Variants in THSD7B observed in about 807,000 individuals in gnomAD.
THSD7B encodes thrombospondin type-1 domain-containing protein 7B.
Under a neutral mutation model 213.6 loss-of-function variants are expected in THSD7B, and 138 were observed. That is an observed-to-expected ratio of 0.65 (90% confidence interval 0.56 to 0.74). THSD7B has a LOEUF of 0.74. Among genes scored for constraint, THSD7B ranks in the 30% least tolerant of loss-of-function variants. The pLI is 0.00. For synonymous variants in THSD7B, 742 were observed against 687.0 expected (o/e 1.08, Z -1.25); for missense variants, 1,931 against 1,991.5 (o/e 0.97, Z 0.58).
chr2:137,582,684 T>G (rs927904225), intron 17 of THSD7B, among the ~76,000 whole-genome samples: 3 of 152,100 alleles, frequency 2.0e-5, no homozygotes, highest in Non-Finnish European at 4.4e-5. Context: ...CTTTTTTATG[T>G]CTGCATAGCA....
chr2:137,466,527 T>A (rs1040551614), intron 15 of THSD7B, among the ~76,000 whole-genome samples: 2 of 152,126 alleles, frequency 1.3e-5, no homozygotes, highest in Non-Finnish European at 2.9e-5. Flanking sequence ...TCAGCTATCA[T>A]TAGTGTTACT....
At chr2:137,255,686 A>AGCGTTTTGCCTGGGT (rs1262288274) in intron 10 of THSD7B, among the ~76,000 whole-genome samples, 1 of 151,982 alleles carries the variant, frequency 6.6e-6, no homozygotes, top group Non-Finnish European at 1.5e-5. Flanking sequence ...AATCTCTTCT[A>AGCGTTTTGCCTGGGT]GCCTTTTGCC....
intron 21 of THSD7B, among the ~76,000 whole-genome samples, chr2:137,644,222 C>T (rs1037208354): frequency 2.0e-5 from 3 of 152,124 alleles, no homozygotes; most frequent in Non-Finnish European, 2.9e-5. Flanking sequence ...GAGTGAGTCC[C>T]GTTCGCTGAC....
chr2:137,088,265 A>T (rs1185129080), intron 3 of THSD7B, among the ~76,000 whole-genome samples: 2 of 151,870 alleles, frequency 1.3e-5, no homozygotes, highest in Non-Finnish European at 2.9e-5. Flanking sequence ...AAATAAAATT[A>T]AATTTAAAAA....
intron 2 of THSD7B, among the ~76,000 whole-genome samples, chr2:136,904,166 C>T (rs975044004): frequency 6.2e-4 from 94 of 152,230 alleles, no homozygotes; most frequent in Middle Eastern, 6.8e-3. Context: ...GAATATTAGG[C>T]AACCCCAGCA....
intron 12 of THSD7B, among the ~76,000 whole-genome samples, chr2:137,404,462 T>TACAC (rs1282968893): frequency 7.8e-4 from 64 of 81,902 alleles, no homozygotes; most frequent in East Asian, 3.4e-3. Flanking sequence ...TATATATATA[T>TACAC]ATATATATAT....
chr2:136,844,346 C>G (rs1682965970), intron 1 of THSD7B, among the ~76,000 whole-genome samples: 1 of 151,976 alleles, frequency 6.6e-6, no homozygotes, highest in African/African-American at 2.4e-5. Context: ...GGAACTGGGG[C>G]CACTTGGTGG....
At chr2:137,170,987 A>G (rs777597002) in intron 7 of THSD7B, 49 bp downstream of exon 7, 2 of 1,579,808 alleles carry the variant, frequency 1.3e-6, no homozygotes, top group Admixed American at 1.7e-5. Flanking sequence ...AGTATCAGCC[A>G]AATAACACAT....
chr2:136,820,060 C>T (rs1334663154), intron 1 of THSD7B, among the ~76,000 whole-genome samples: 1 of 152,154 alleles, frequency 6.6e-6, no homozygotes, highest in East Asian at 1.9e-4. Context: ...ACACGCATTC[C>T]TCTGTAAACT....
chr2:136,858,507 C>T (rs147984471), intron 1 of THSD7B, among the ~76,000 whole-genome samples: 107 of 152,280 alleles, frequency 7.0e-4, no homozygotes, highest in African/African-American at 2.4e-3. Context: ...GGTAATACAT[C>T]AAAAATGTCT....
At chr2:137,546,463 A>AAT (rs57851328) in intron 15 of THSD7B, among the ~76,000 whole-genome samples, 2 of 20,752 alleles carry the variant, frequency 9.6e-5, no homozygotes, top group Non-Finnish European at 1.4e-4. Context: ...TATTATATAT[A>AAT]ATATATATAT....
At chr2:137,186,480 G>A (rs1680553756) in intron 7 of THSD7B, among the ~76,000 whole-genome samples, 1 of 152,104 alleles carries the variant, frequency 6.6e-6, no homozygotes, top group African/African-American at 2.4e-5. Context: ...TATGGAATAG[G>A]GAGTCCTTTC....
chr2:137,420,586 C>T (rs1055215743), intron 14 of THSD7B, among the ~76,000 whole-genome samples: 1 of 152,122 alleles, frequency 6.6e-6, no homozygotes, highest in African/African-American at 2.4e-5. Context: ...GGGCTGTGTG[C>T]CCCCTGAGAG....
chr2:136,996,155 AGC>A, intron 2 of THSD7B, among the ~76,000 whole-genome samples: 1 of 152,336 alleles, frequency 6.6e-6, no homozygotes, highest in Non-Finnish European at 1.5e-5. Context: ...ATGCTGCTGT[AGC>A]AGTAATTTCT....
chr2:137,496,125 C>T (rs1227314940), intron 15 of THSD7B, among the ~76,000 whole-genome samples: 1 of 152,072 alleles, frequency 6.6e-6, no homozygotes, highest in Non-Finnish European at 1.5e-5. Context: ...TTGAGCCATC[C>T]TTTGAAATTC....
At chr2:136,910,381 C>G (rs886152060) in intron 2 of THSD7B, among the ~76,000 whole-genome samples, 8 of 152,114 alleles carry the variant, frequency 5.3e-5, no homozygotes, top group Non-Finnish European at 1.2e-4. Context: ...TGTTCACTCA[C>G]ATTTGGGATT....
chr2:136,883,654 C>T (rs573445871), intron 2 of THSD7B, among the ~76,000 whole-genome samples: 9 of 151,994 alleles, frequency 5.9e-5, no homozygotes, highest in Non-Finnish European at 1.3e-4. Flanking sequence ...ATTTGAAAAA[C>T]GAATGAGATG....
At chr2:136,948,425 C>CT (rs34273193) in intron 2 of THSD7B, among the ~76,000 whole-genome samples, 28,181 of 149,058 alleles carry the variant, frequency 0.19, 2,754 homozygotes, top group African/African-American at 0.26. Flanking sequence ...TCCCCCATAC[C>CT]TTTCTTTTTT....
intron 15 of THSD7B, among the ~76,000 whole-genome samples, chr2:137,519,567 C>T (rs1033505108): frequency 2.6e-5 from 4 of 152,116 alleles, no homozygotes; most frequent in Admixed American, 6.5e-5. Flanking sequence ...TTCATTTTGG[C>T]GTAACTACTT....
Sources: allele counts gnomAD v4.1 joint callset (sites outside exome capture counted in the v4.1 genomes callset), GRCh38; gene constraint gnomAD v4.1.1; transcripts MANE v1.5; gene names NCBI Gene and HGNC (gene_info 2026-07-23, HGNC 2026-07-21).